Variants in BCAS3 observed in about 807,000 individuals in gnomAD.
BCAS3 encodes the protein BCAS4/BCAS3 fusion.
Under a neutral mutation model 116.1 loss-of-function variants are expected in BCAS3, and 53 were observed. The observed-to-expected ratio is 0.46, with a 90% confidence interval of 0.37 to 0.57. The LOEUF (loss-of-function observed/expected upper bound fraction) is 0.57, where lower values mean the gene tolerates loss of function less well. Ranked by LOEUF, BCAS3 falls within the 20% of genes least tolerant of loss-of-function variation. The pLI, the probability that BCAS3 is intolerant of heterozygous loss-of-function variation, is 0.00. For synonymous variants in BCAS3, 391 were observed against 408.2 expected, an observed-to-expected ratio of 0.96 and a Z score of 0.51; for missense variants, 917 against 1,165.4, an observed-to-expected ratio of 0.79 and a Z score of 3.10.
chr17:60,841,697 T>A (rs574054779), intron 7 of BCAS3, among the ~76,000 whole-genome samples: 1 of 151,984 alleles, frequency 6.6e-6, no homozygotes, highest in South Asian at 2.1e-4. Flanking sequence ...TCATAGTTTC[T>A]ATGGGTTAGG....
At chr17:60,844,516 G>GT (rs915347991) in intron 7 of BCAS3, among the ~76,000 whole-genome samples, 29 of 151,676 alleles carry the variant, frequency 1.9e-4, no homozygotes, top group African/African-American at 4.1e-4. Context: ...TTTCTGTTTT[G>GT]TTTTTTTTAA....
intron 22 of BCAS3, among the ~76,000 whole-genome samples, chr17:61,275,819 C>T (rs574596573): frequency 1.3e-5 from 2 of 152,214 alleles, no homozygotes; most frequent in African/African-American, 4.8e-5. Flanking sequence ...ACCTTCAGAG[C>T]GTAATGATTG....
Position 61,196,339 on chromosome 17 carries a change from C to T in BCAS3, c.2425+111775C>T, listed in dbSNP as rs1402365824. 3.3e-5 allele frequency among the ~76,000 whole-genome samples: 5 copies of T among 152,226 alleles called. No individual in the cohort carries two copies. Among genetic ancestry groups the T allele is most frequent in the African/African-American group, 9.6e-5 (4 of 41,456 alleles). On this transcript the variant is annotated intron_variant, in intron 22 of 23. Coordinates refer to ENST00000407086, the MANE Select transcript of BCAS3 (RefSeq NM_017679.5). This position sits in a 1 kb window ranked among gnomAD's most constrained non-coding sequence, Gnocchi z 4.7. ...ATTGTCTGAACTGTCACAGCAATAG[C>T]GCGTAAAGCTGTTTGCATAGCGTGC...
chr17:60,848,260 T>C (rs2052704504), intron 7 of BCAS3, among the ~76,000 whole-genome samples: 1 of 152,214 alleles, frequency 6.6e-6, no homozygotes, highest in Non-Finnish European at 1.5e-5. Flanking sequence ...CAACTTTGTT[T>C]TGGCTGTTTG....
Position 61,099,359 on chromosome 17 carries a change from TAATC to T in BCAS3, c.2425+14798_2425+14801del, listed in dbSNP as rs763525361. 4.1e-4 allele frequency among the ~76,000 whole-genome samples: 62 copies of T among 152,326 alleles called. No individual in the cohort carries two copies. The Middle Eastern group carries it at 0.01, about 25-fold the overall frequency. ...GATGATTAATAATGATAGTCAGTGA[TAATC>T]AACAATGATAACCATTGTTGATTTC... On this transcript the variant is annotated intron_variant, in intron 22 of 23. Coordinates refer to ENST00000407086, the MANE Select transcript of BCAS3 (RefSeq NM_017679.5).
intron 14 of BCAS3, among the ~76,000 whole-genome samples, chr17:60,963,556 T>A (rs927722207): frequency 0.042 from 5,022 of 120,096 alleles, 318 homozygotes; most frequent in African/African-American, 0.23. Flanking sequence ...ATGCTATCGA[T>A]TTTTTTTTTT....
chr17:61,179,507 G>T (rs2079348873), intron 22 of BCAS3, among the ~76,000 whole-genome samples: 2 of 152,120 alleles, frequency 1.3e-5, no homozygotes, highest in African/African-American at 4.8e-5. Flanking sequence ...AAAGACCTTT[G>T]TGTTTTGTGC....
At chr17:61,154,735 C>T (rs888998652) in intron 22 of BCAS3, among the ~76,000 whole-genome samples, 17 of 152,288 alleles carry the variant, frequency 1.1e-4, no homozygotes, top group African/African-American at 2.6e-4. Context: ...TGAGCCACCG[C>T]GCCCAGCCTC....
Position 61,265,918 on chromosome 17 carries a change from T to C in BCAS3, c.2426-102409T>C, listed in dbSNP as rs1437586149. Among the ~76,000 whole-genome samples the C allele has an allele frequency of 6.6e-6, 1 of 152,224 alleles. No homozygotes were observed. The highest frequency in any genetic ancestry group is 1.5e-5 in the Non-Finnish European group (1 of 68,044). On this transcript the variant is annotated intron_variant, in intron 22 of 23. Coordinates refer to ENST00000407086, the MANE Select transcript of BCAS3 (RefSeq NM_017679.5). The surrounding 1 kb of genome is among the most constrained non-coding windows in gnomAD (Gnocchi z 4.3). ...TCTTTCTCTATATAAAAGACAAATG[T>C]CTTTATCTTGTGGAAAATCCAGTGT...
rs746900833 is a variant in BCAS3 at position 61,012,991 on chromosome 17, C to T, written c.1487-2760C>T. Among the ~76,000 whole-genome samples the T allele has an allele frequency of 4.9e-4, 75 of 152,126 alleles. 1 individual carries two copies. Among genetic ancestry groups the T allele is most frequent in the Middle Eastern group, 3.4e-3 (1 of 294 alleles). ...TTTTATCTGCCATAGTTAGAGATTC[C>T]TCACTACTCCTCACATAATGGCATC... On this transcript the variant is annotated intron_variant, in intron 15 of 23. Transcript: ENST00000407086. The surrounding 1 kb of genome is among the most constrained non-coding windows in gnomAD (Gnocchi z 4.5).
At chr17:61,386,234 G>T (rs932314866) in intron 23 of BCAS3, among the ~76,000 whole-genome samples, 1 of 152,196 alleles carries the variant, frequency 6.6e-6, no homozygotes, top group Admixed American at 6.5e-5. Context: ...TGGCCAGGGG[G>T]TGTGCTCTTA....
intron 4 of BCAS3, among the ~76,000 whole-genome samples, chr17:60,707,021 T>C (rs931754781): frequency 1.3e-5 from 2 of 151,864 alleles, no homozygotes; most frequent in Admixed American, 1.3e-4. Context: ...GACAGAGTTT[T>C]GCTCTTGTTG....
At chr17:61,351,808 A>T (rs1431300320) in intron 22 of BCAS3, among the ~76,000 whole-genome samples, 1 of 152,222 alleles carries the variant, frequency 6.6e-6, no homozygotes, top group Non-Finnish European at 1.5e-5. Context: ...CTGCTGCTTG[A>T]GGGTAGCTCC....
rs1311241868 is a variant in BCAS3, at chr17:61,056,780, G to C, written c.2029+15888G>C. On this transcript the variant is annotated intron_variant, in intron 19 of 23. Coordinates refer to ENST00000407086, the MANE Select transcript of BCAS3 (RefSeq NM_017679.5). The surrounding 1 kb of genome is among the most constrained non-coding windows in gnomAD (Gnocchi z 4.9). The stretch of plus-strand genomic sequence containing the variant: ...AGTGATGTACTACTGCATGCTCTCA[G>C]ATATTGAGACACAGAGGTGTTATCT... Among the ~76,000 whole-genome samples, 1 of 152,202 alleles carries C rather than the reference G, an allele frequency of 6.6e-6. No individual in the cohort carries two copies. Among genetic ancestry groups the C allele is most frequent in the African/African-American group, 2.4e-5 (1 of 41,450 alleles).
intron 15 of BCAS3, among the ~76,000 whole-genome samples, chr17:61,005,756 C>CTTT (rs869287886): frequency 8.4e-6 from 1 of 118,650 alleles, no homozygotes; most frequent in African/African-American, 3.0e-5. Flanking sequence ...TGTGGCTATA[C>CTTT]TTTTTTTTTT....
intron 22 of BCAS3, among the ~76,000 whole-genome samples, chr17:61,358,921 G>T (rs980733532): frequency 6.6e-6 from 1 of 152,092 alleles, no homozygotes; most frequent in Non-Finnish European, 1.5e-5. Flanking sequence ...GTTTATCGAA[G>T]AATTTAGGGA....
intron 16 of BCAS3, among the ~76,000 whole-genome samples, chr17:61,031,635 G>A (rs987732827): frequency 1.3e-5 from 2 of 151,874 alleles, no homozygotes; most frequent in African/African-American, 4.8e-5. Context: ...CCAGATTATA[G>A]ATTGATGATA....
intron 7 of BCAS3, among the ~76,000 whole-genome samples, chr17:60,813,279 C>G (rs905255380): frequency 6.7e-6 from 1 of 148,162 alleles, no homozygotes; most frequent in Non-Finnish European, 1.5e-5. Context: ...CAGTTATTTT[C>G]AGAGGTAACA....
At chr17:61,148,126 GA>G (rs2077345732) in intron 22 of BCAS3, among the ~76,000 whole-genome samples, 1 of 152,178 alleles carries the variant, frequency 6.6e-6, no homozygotes, top group African/African-American at 2.4e-5. Flanking sequence ...GAGACACTCA[GA>G]AGGTTTAGAA....
Sources: allele counts gnomAD v4.1 joint callset (sites outside exome capture counted in the v4.1 genomes callset), GRCh38; gene constraint gnomAD v4.1.1; non-coding constraint Gnocchi (gnomAD v3.1); transcripts MANE v1.5; gene names NCBI Gene and HGNC (gene_info 2026-07-23, HGNC 2026-07-21).